The following PPP1R9A variants were observed in gnomAD, a reference collection of about 807,000 sequenced individuals.
PPP1R9A encodes the protein protein phosphatase 1 regulatory subunit 9A.
In PPP1R9A, 59 loss-of-function variants were observed where a neutral mutation model predicts 141.9. That is an observed-to-expected ratio of 0.42 (90% CI 0.34 to 0.52). The LOEUF is 0.52. PPP1R9A is among the 20% of genes least tolerant of loss of function. The pLI, the probability that PPP1R9A is intolerant of heterozygous loss-of-function variation, is 0.10. For synonymous variants in PPP1R9A, 500 were observed against 569.7 expected, an observed-to-expected ratio of 0.88 and a Z score of 1.74; for missense variants, 1,444 against 1,611.9, an observed-to-expected ratio of 0.90 and a Z score of 1.78.
chr7:95,253,631 A>G (rs756849141), intron 12 of PPP1R9A, among the ~76,000 whole-genome samples: 1 of 152,146 alleles, frequency 6.6e-6, no homozygotes, highest in Non-Finnish European at 1.5e-5. Flanking sequence ...ATTACTGTGC[A>G]TATTATTTTA....
chr7:95,023,559 T>A (rs1278263781), intron 2 of PPP1R9A, among the ~76,000 whole-genome samples: 1 of 152,116 alleles, frequency 6.6e-6, no homozygotes, highest in Non-Finnish European at 1.5e-5. Context: ...CTAGTTCTTT[T>A]TTTTGTTTGT....
At chr7:95,277,453 A>G (rs998460290) in intron 16 of PPP1R9A, among the ~76,000 whole-genome samples, 1 of 152,180 alleles carries the variant, frequency 6.6e-6, no homozygotes, top group African/African-American at 2.4e-5. Flanking sequence ...TGTTTGAGAC[A>G]GTGTCTCACT....
chr7:95,147,799 T>C (rs1419278295), intron 4 of PPP1R9A, among the ~76,000 whole-genome samples: 1 of 152,202 alleles, frequency 6.6e-6, no homozygotes, highest in East Asian at 1.9e-4. Flanking sequence ...GGATTATGTT[T>C]ATTGATTTGC....
intron 4 of PPP1R9A, among the ~76,000 whole-genome samples, chr7:95,148,250 A>T (rs1441710161): frequency 6.6e-6 from 1 of 152,184 alleles, no homozygotes; most frequent in African/African-American, 2.4e-5. Flanking sequence ...CAGTAGAGAA[A>T]GTCAGTAACA....
At chr7:95,056,391 G>A (rs1811504106) in intron 2 of PPP1R9A, among the ~76,000 whole-genome samples, 1 of 152,158 alleles carries the variant, frequency 6.6e-6, no homozygotes, top group Non-Finnish European at 1.5e-5. Context: ...TTATCGTCAT[G>A]CAAAGATAAT....
chr7:94,953,570 A>C (rs1796722191), intron 2 of PPP1R9A, among the ~76,000 whole-genome samples: 1 of 152,158 alleles, frequency 6.6e-6, no homozygotes, highest in South Asian at 2.1e-4. Flanking sequence ...TTTTCATGAT[A>C]TTGATTCTTC....
intron 16 of PPP1R9A, among the ~76,000 whole-genome samples, chr7:95,279,777 A>G (rs563706942): frequency 6.6e-6 from 1 of 152,362 alleles, no homozygotes; most frequent in African/African-American, 2.4e-5. Flanking sequence ...AGGTAGAATC[A>G]GTGGACACAT....
At chr7:95,270,781 G>A (rs1052486502) in intron 14 of PPP1R9A, among the ~76,000 whole-genome samples, 4 of 152,070 alleles carry the variant, frequency 2.6e-5, no homozygotes, top group Non-Finnish European at 5.9e-5. Flanking sequence ...CTAATTTTTT[G>A]TGTGGTTAAT....
chr7:95,009,332 C>T (rs1048850405), intron 2 of PPP1R9A, among the ~76,000 whole-genome samples: 4 of 152,100 alleles, frequency 2.6e-5, no homozygotes, highest in African/African-American at 9.7e-5. Flanking sequence ...AAGACTCTTG[C>T]TTTAAAGAAA....
intron 12 of PPP1R9A, among the ~76,000 whole-genome samples, chr7:95,266,811 A>G (rs780770253): frequency 6.6e-6 from 1 of 152,148 alleles, no homozygotes; most frequent in African/African-American, 2.4e-5. Flanking sequence ...TCCACATTTT[A>G]TATTTAAGCA....
At chr7:95,113,536 A>C (rs1428366578) in intron 3 of PPP1R9A, among the ~76,000 whole-genome samples, 3 of 152,226 alleles carry the variant, frequency 2.0e-5, no homozygotes, top group Non-Finnish European at 4.4e-5. Context: ...AAAAATACCC[A>C]ACCAAACAAA....
chr7:94,932,431 G>A (rs1010133263), intron 2 of PPP1R9A, among the ~76,000 whole-genome samples: 6 of 152,058 alleles, frequency 3.9e-5, no homozygotes, highest in Non-Finnish European at 8.8e-5. Context: ...CAGACCCCTT[G>A]TTTTTGTGAA....
At chr7:95,052,059 T>G (rs1810894699) in intron 2 of PPP1R9A, among the ~76,000 whole-genome samples, 1 of 151,958 alleles carries the variant, frequency 6.6e-6, no homozygotes, top group African/African-American at 2.4e-5. Flanking sequence ...AGGTTGGTCT[T>G]AAACTCCTGA....
At chr7:94,983,714 C>A (rs1463224803) in intron 2 of PPP1R9A, among the ~76,000 whole-genome samples, 3 of 152,108 alleles carry the variant, frequency 2.0e-5, no homozygotes, top group Non-Finnish European at 2.9e-5. Flanking sequence ...TGCTTATCAG[C>A]CTAAGGAGAT....
At chr7:95,173,939 A>G (rs749838022) in intron 5 of PPP1R9A, among the ~76,000 whole-genome samples, 2 of 152,030 alleles carry the variant, frequency 1.3e-5, no homozygotes, top group Non-Finnish European at 2.9e-5. Context: ...TAGCACAACC[A>G]CTTTGCAGAA....
At chr7:95,040,068 G>A (rs752807431) in intron 2 of PPP1R9A, among the ~76,000 whole-genome samples, 18 of 152,158 alleles carry the variant, frequency 1.2e-4, no homozygotes, top group Non-Finnish European at 2.4e-4. Flanking sequence ...ATAGAGGAAC[G>A]AGGATCAGAA....
chr7:94,937,316 A>G (rs1794878306), intron 2 of PPP1R9A, among the ~76,000 whole-genome samples: 1 of 152,088 alleles, frequency 6.6e-6, no homozygotes, highest in Non-Finnish European at 1.5e-5. Flanking sequence ...TGTTCCCTTC[A>G]CTGGAAGTTC....
At chr7:95,089,931 G>T (rs988283631) in intron 2 of PPP1R9A, among the ~76,000 whole-genome samples, 1 of 151,778 alleles carries the variant, frequency 6.6e-6, no homozygotes, top group South Asian at 2.1e-4. Context: ...CTGAAGCATG[G>T]TATTATTATT....
rs569540840 is a variant in PPP1R9A at position 94,958,068 on chromosome 7, C to G, written c.1395+46560C>G. Among the ~76,000 whole-genome samples, 13 of 152,066 alleles carry G rather than the reference C, an allele frequency of 8.5e-5. 1 individual carries two copies. The South Asian group carries it at 2.7e-3, about 32-fold the overall frequency. On this transcript the variant is annotated intron_variant, in intron 2 of 19. Transcript: ENST00000433360. ...GTGGATTATAAGTGCCCTTTGAGGA[C>G]AAGACATACTTTGTATTTTGTGTGC...
Sources: allele counts gnomAD v4.1 joint callset (sites outside exome capture counted in the v4.1 genomes callset), GRCh38; gene constraint gnomAD v4.1.1; transcripts MANE v1.5; gene names NCBI Gene and HGNC (gene_info 2026-07-23, HGNC 2026-07-21).